The following FGD5 variants were observed in gnomAD, a reference collection of about 807,000 sequenced individuals.
FGD5 encodes FYVE, RhoGEF and PH domain containing 5, also known as FYVE, RhoGEF and PH domain-containing protein 5.
FGD5 carries 28 observed loss-of-function variants against 133.4 expected under a neutral mutation model. That is an observed-to-expected ratio of 0.21 (90% CI 0.16 to 0.29). FGD5 has a LOEUF of 0.29. Ranked by LOEUF, FGD5 falls within the 10% of genes least tolerant of loss-of-function variation. The pLI is 1.00. For synonymous variants in FGD5, 810 were observed against 776.5 expected (o/e 1.04, Z -0.72); for missense variants, 1,858 against 1,895.2 (o/e 0.98, Z 0.36).
chr3:14,846,201 G>A (rs2037048395), intron 1 of FGD5, among the ~76,000 whole-genome samples: 1 of 152,194 alleles, frequency 6.6e-6, no homozygotes, highest in Admixed American at 6.5e-5. Context: ...TGCTTGAAAT[G>A]TGGGAGAGGC....
At chr3:14,824,307 C>A (rs1190273515) in intron 1 of FGD5, among the ~76,000 whole-genome samples, 1 of 152,166 alleles carries the variant, frequency 6.6e-6, no homozygotes, top group Non-Finnish European at 1.5e-5. Flanking sequence ...GGCTGGGGGA[C>A]CCTGCTTGTT....
At chr3:14,916,727 C>A (rs1041214436) in intron 11 of FGD5, among the ~76,000 whole-genome samples, 1 of 152,198 alleles carries the variant, frequency 6.6e-6, no homozygotes, top group African/African-American at 2.4e-5. Context: ...CTGGGGGCCC[C>A]CATCAACCAC....
intron 11 of FGD5, among the ~76,000 whole-genome samples, chr3:14,914,641 T>G (rs1261305935): frequency 1.3e-5 from 2 of 152,128 alleles, no homozygotes; most frequent in Non-Finnish European, 2.9e-5. Context: ...TTCATGAACC[T>G]GTGCACAGGT....
At chr3:14,893,752 C>CTTTTTTTTTTTTTTTTTTTTT (rs138741627) in intron 4 of FGD5, among the ~76,000 whole-genome samples, 6 of 95,056 alleles carry the variant, frequency 6.3e-5, no homozygotes, top group East Asian at 3.3e-4. Flanking sequence ...TTTCTTTTTT[C>CTTTTTTTTTTTTTTTTTTTTT]TTTTTTTTTT....
Position 14,820,227 on chromosome 3 carries a change from G to GAGA in FGD5, c.1158_1160dup (p.Glu386_Asn387insLys). ...ACCAAAGCTGGGGCTGCGTGCGGAG[G>GAGA]AGAACCCCATGGTGGGGGCTTTGTG... On this transcript the variant is annotated inframe_insertion, in exon 1 of 20. Coordinates refer to ENST00000285046, the MANE Select transcript of FGD5 (RefSeq NM_152536.4). The GAGA allele has an allele frequency of 1.2e-6, 2 of 1,608,364 alleles. No homozygotes were observed. Among genetic ancestry groups the GAGA allele is most frequent in the Admixed American group, 3.4e-5 (2 of 59,684 alleles).
chr3:14,918,045 G>A lies in FGD5; in HGVS notation c.3490-709G>A, dbSNP rs186430223. 1.8e-3 allele frequency among the ~76,000 whole-genome samples: 280 copies of A among 152,324 alleles called. 1 individual carries two copies. Among genetic ancestry groups the A allele is most frequent in the African/African-American group, 6.4e-3 (265 of 41,574 alleles). On this transcript the variant is annotated intron_variant, in intron 12 of 19. Transcript: ENST00000285046. ...CATGGTGTTTATTCAATCCTCTGCCGATGGACACTGGTGGCTTCCACCTTT... is the reference window on the plus strand; with the variant it reads ...CATGGTGTTTATTCAATCCTCTGCCAATGGACACTGGTGGCTTCCACCTTT...
intron 8 of FGD5, among the ~76,000 whole-genome samples, chr3:14,900,760 CCT>C (rs1437441807): frequency 6.6e-6 from 1 of 152,134 alleles, no homozygotes; most frequent in East Asian, 1.9e-4. Flanking sequence ...CCACAGTCTC[CCT>C]GTTTCCTCCC....
Position 14,920,784 on chromosome 3 carries a change from GC to G in FGD5, c.3570-1132del, listed in dbSNP as rs1424894022. Among the ~76,000 whole-genome samples the G allele has an allele frequency of 1.3e-4, 20 of 152,340 alleles. 2 individuals are homozygous for G. The South Asian group carries it at 2.1e-3, about 16-fold the overall frequency. ...TTGAGGCTTGCAAAAGGGTCACACA[GC>G]CAGGTGAGGTGGAACTGGAGTTTGA... On this transcript the variant is annotated intron_variant, in intron 13 of 19. Transcript: ENST00000285046.
At chr3:14,827,813 G>C (rs9844643) in intron 1 of FGD5, among the ~76,000 whole-genome samples, 2 of 152,088 alleles carry the variant, frequency 1.3e-5, no homozygotes, top group Non-Finnish European at 2.9e-5. Flanking sequence ...GGAGCATGCC[G>C]TCTGTTTGGA....
intron 1 of FGD5, among the ~76,000 whole-genome samples, chr3:14,823,857 A>G (rs904066997): frequency 2.6e-5 from 4 of 152,232 alleles, no homozygotes; most frequent in Non-Finnish European, 5.9e-5. Context: ...TTTGTGCAAA[A>G]AAACCAAACA....
chr3:14,932,480 A>G (rs1164757399), intron 18 of FGD5, 97 bp from the exon 19 acceptor site: 3 of 1,415,378 alleles, frequency 2.1e-6, no homozygotes, highest in Non-Finnish European at 2.8e-6. Context: ...CACACCCCAC[A>G]CAGAGGCACT....
At chr3:14,878,026 T>C (rs181096915) in intron 2 of FGD5, among the ~76,000 whole-genome samples, 86 of 152,302 alleles carry the variant, frequency 5.6e-4, no homozygotes, top group Non-Finnish European at 9.7e-4. Flanking sequence ...GGGGTGTTCT[T>C]TAGGTCAGGC....
chr3:14,823,131 A>G lies in FGD5; in HGVS notation c.2525+1535A>G, dbSNP rs577219304. ...CGAGCTGCAAGAGGGGTAGAGAGGC[A>G]GAGTCAGCAAGTTCATTACATTAAT... On this transcript the variant is annotated intron_variant, in intron 1 of 19. Transcript: ENST00000285046. 6.6e-5 allele frequency among the ~76,000 whole-genome samples: 10 copies of G among 152,344 alleles called. No homozygotes were observed. In the South Asian group the frequency reaches 2.1e-3, roughly 32 times the overall value.
At chr3:14,885,613 A>G (rs1034274307) in intron 4 of FGD5, among the ~76,000 whole-genome samples, 4 of 152,202 alleles carry the variant, frequency 2.6e-5, no homozygotes, top group Non-Finnish European at 5.9e-5. Context: ...TGGCCAGAAC[A>G]CTTATCTGTG....
chr3:14,810,717 G>C (rs2036278432), upstream of FGD5: 2 of 811,398 alleles, frequency 2.5e-6, no homozygotes, highest in Middle Eastern at 6.1e-4. Flanking sequence ...GGAGTCCGAG[G>C]CGCGCCGGGG....
At chr3:14,911,572 C>G (rs145897582) in intron 11 of FGD5, among the ~76,000 whole-genome samples, 1 of 151,966 alleles carries the variant, frequency 6.6e-6, no homozygotes, top group African/African-American at 2.4e-5. Flanking sequence ...CATACTTCGT[C>G]AAAGCACCGT....
chr3:14,820,636 C>A lies in FGD5; in HGVS notation c.1565C>A (p.Thr522Lys). ...IGGAAEEVGK[T>K]LLSLEGKPLE... The stretch of plus-strand genomic sequence containing the variant: ...GGTGCCGCAGAGGAGGTGGGAAAGA[C>A]GCTTTTGTCATTGGAGGGGAAGCCC... Residue 522 changes from threonine to lysine, a missense_variant, in exon 1 of 20, where the codon ACG becomes AAG. Physicochemically the swap from Thr to Lys is moderately conservative, Grantham distance 78. Transcript: ENST00000285046. The A allele has an allele frequency of 6.2e-7, 1 of 1,603,200 alleles. No homozygotes were observed.
In FGD5 at chr3:14,917,624, C is replaced by T. The variant is rs190214071; in HGVS notation, c.3489+292C>T. 6.6e-6 allele frequency among the ~76,000 whole-genome samples: 1 copy of T among 152,042 alleles called. No individual in the cohort carries two copies. Among genetic ancestry groups the T allele is most frequent in the Admixed American group, 6.5e-5 (1 of 15,282 alleles). Reference sequence around the variant, plus strand: ...AGGAGGAAAATGCATAAGGAAGGGCCTGGGTTGGGGGAACAAGCAGGTGGT... The same window carrying T: ...AGGAGGAAAATGCATAAGGAAGGGCTTGGGTTGGGGGAACAAGCAGGTGGT... On this transcript the variant is annotated intron_variant, in intron 12 of 19. Coordinates refer to ENST00000285046, the MANE Select transcript of FGD5 (RefSeq NM_152536.4). This position sits in a 1 kb window ranked among gnomAD's most constrained non-coding sequence, Gnocchi z 4.1.
chr3:14,921,814 G>A, intron 13 of FGD5, 104 bp from the exon 14 acceptor site: 2 of 1,062,534 alleles, frequency 1.9e-6, no homozygotes, highest in South Asian at 1.4e-5. Flanking sequence ...AGTGTGAGAG[G>A]TGCAGGCTCA....
Sources: allele counts gnomAD v4.1 joint callset (sites outside exome capture counted in the v4.1 genomes callset), GRCh38; gene constraint gnomAD v4.1.1; non-coding constraint Gnocchi (gnomAD v3.1); transcripts MANE v1.5; gene names NCBI Gene and HGNC (gene_info 2026-07-23, HGNC 2026-07-21).